ZNF444: variants seen among roughly 807,000 people sequenced by gnomAD.
ZNF444 encodes zinc finger protein 444.
A neutral mutation model predicts 14.4 loss-of-function variants in ZNF444; 8 were observed. That is an observed-to-expected ratio of 0.56 (90% confidence interval 0.33 to 1.00). The LOEUF (loss-of-function observed/expected upper bound fraction) is 1.00, where lower values mean the gene tolerates loss of function less well. Among genes scored for constraint, ZNF444 ranks in the 50% least tolerant of loss-of-function variants. The pLI, the probability that ZNF444 is intolerant of heterozygous loss-of-function variation, is 0.03. For missense variants in ZNF444, 510 were observed against 504.8 expected, an observed-to-expected ratio of 1.01 and a Z score of -0.10; for synonymous variants, 258 against 235.9, an observed-to-expected ratio of 1.09 and a Z score of -0.86.
intron 3 of ZNF444, chr19:56,158,287 A>G (rs45559539): frequency 0.016 from 8,052 of 493,398 alleles, 116 homozygotes; most frequent in Middle Eastern, 0.029. Flanking sequence ...TGGTGGCTTC[A>G]AGATGGCTCC....
At chr19:56,158,258 C>T (rs969431318) in intron 3 of ZNF444, 6 of 450,580 alleles carry the variant, frequency 1.3e-5, no homozygotes, top group East Asian at 7.9e-5. Flanking sequence ...CAGTGTTGGC[C>T]AGGCTGTCAT....
In ZNF444 at chr19:56,145,099, G is replaced by A. The variant is rs1362092850; in HGVS notation, c.-196-1148G>A. On this transcript the variant is annotated intron_variant, in intron 1 of 4. Transcript: ENST00000337080. This position sits in a 1 kb window ranked among gnomAD's most constrained non-coding sequence, Gnocchi z 4.3. Reference sequence around the variant, plus strand: ...GCGCCAGTGAGACTTAAGTAAAACAGGCTGCAGGCCAGATTCGGCCCACCA... The same window carrying A: ...GCGCCAGTGAGACTTAAGTAAAACAAGCTGCAGGCCAGATTCGGCCCACCA... Among the ~76,000 whole-genome samples, 1 of 152,222 alleles carries A rather than the reference G, an allele frequency of 6.6e-6. No individual in the cohort carries two copies. The highest frequency in any genetic ancestry group is 6.5e-5 in the Admixed American group (1 of 15,282).
At chr19:56,134,170 C>A (rs2030559859) in intron 1 of ZNF444, among the ~76,000 whole-genome samples, 1 of 152,162 alleles carries the variant, frequency 6.6e-6, no homozygotes, top group African/African-American at 2.4e-5. Flanking sequence ...ATGAACCAAA[C>A]CCCATCCCTG....
At chr19:56,158,471 T>G (rs777457667) in intron 3 of ZNF444, 23 bp from the exon 4 acceptor site, 8 of 1,590,082 alleles carry the variant, frequency 5.0e-6, no homozygotes, top group Non-Finnish European at 6.8e-6. Flanking sequence ...GTTTCTGAGT[T>G]CAAAACTGTG....
chr19:56,153,410 G>C (rs2031704778), intron 3 of ZNF444, among the ~76,000 whole-genome samples: 1 of 152,164 alleles, frequency 6.6e-6, no homozygotes, highest in Non-Finnish European at 1.5e-5. Flanking sequence ...CATAGTAGGT[G>C]CTACAAAAAT....
intron 3 of ZNF444, 28 bp from the exon 4 acceptor site, chr19:56,158,466 T>G: frequency 2.5e-6 from 4 of 1,581,486 alleles, no homozygotes; most frequent in Non-Finnish European, 3.4e-6. Flanking sequence ...CTCAGGTTTC[T>G]GAGTTCAAAA....
At chr19:56,153,869 A>G (rs994661925) in intron 3 of ZNF444, among the ~76,000 whole-genome samples, 1 of 152,212 alleles carries the variant, frequency 6.6e-6, no homozygotes, top group Non-Finnish European at 1.5e-5. Flanking sequence ...AAAATAGCAC[A>G]GGGTAGCTGT....
Position 56,149,474 on chromosome 19 carries a change from C to CTTAT in ZNF444, c.297+2285_297+2288dup, listed in dbSNP as rs764968102. Among the ~76,000 whole-genome samples the CTTAT allele has an allele frequency of 4.6e-5, 7 of 152,122 alleles. No homozygotes were observed. In the East Asian group the frequency reaches 5.8e-4, roughly 13 times the overall value. ...TTGACCCACTTAGGTCCTGTGGTCA[C>CTTAT]TTATTTATTTATTTATTTATTTTAC... On this transcript the variant is annotated intron_variant, in intron 3 of 4. Coordinates refer to ENST00000337080, the MANE Select transcript of ZNF444 (RefSeq NM_018337.4).
chr19:56,154,947 GAT>G (rs1335058390), intron 3 of ZNF444: 6 of 152,328 alleles, frequency 3.9e-5, no homozygotes, highest in African/African-American at 1.4e-4. Context: ...TTCAAAGCTG[GAT>G]ATGAGTCCTG....
chr19:56,159,766 G>A lies in ZNF444; in HGVS notation c.549G>A (p.Glu183=). Residue 183 remains glutamate, a synonymous_variant, in exon 5 of 5, where the codon GAG becomes GAA. Coordinates refer to ENST00000337080, the MANE Select transcript of ZNF444 (RefSeq NM_018337.4). ...CCCCGGGCACCACGTCCTGCCCCGA[G>A]TGCGGCAAAACGTCCCTGAAACCAG... ...LAAPGTTSCP[E]CGKTSLKPAH... The A allele has an allele frequency of 1.3e-6, 2 of 1,593,798 alleles. No individual in the cohort carries two copies. Among genetic ancestry groups the A allele is most frequent in the Middle Eastern group, 1.7e-4 (1 of 6,042 alleles).
In ZNF444 at chr19:56,160,273, A is replaced by G; in HGVS notation, c.*72A>G. On this transcript the variant is annotated 3_prime_UTR_variant, in exon 5 of 5. Transcript: ENST00000337080. ...GCGGTACCTGCTCTCTCCCAGCGCC[A>G]CTTGGCCTCTTCCTCTCCTCCTTCC... 1 of 1,266,614 alleles carries G rather than the reference A, an allele frequency of 7.9e-7. No individual in the cohort carries two copies. The highest frequency in any genetic ancestry group is 1.0e-6 in the Non-Finnish European group (1 of 973,008). The allele number at this position is 1,266,614 out of a possible 1,614,324, so 78.5% of individuals were successfully genotyped here.
intron 1 of ZNF444, among the ~76,000 whole-genome samples, chr19:56,133,381 C>A (rs2030534881): frequency 6.6e-6 from 1 of 152,054 alleles, no homozygotes; most frequent in African/African-American, 2.4e-5. Flanking sequence ...CTAGAATGCC[C>A]TTCTTGAGCC....
intron 3 of ZNF444, chr19:56,157,188 G>A (rs796692568): frequency 5.9e-5 from 9 of 152,318 alleles, no homozygotes; most frequent in African/African-American, 2.2e-4. Flanking sequence ...GACTCTCTCC[G>A]ATGGGCCCCA....
At chr19:56,146,682 A>C (rs1452842342) in intron 2 of ZNF444, among the ~76,000 whole-genome samples, 1 of 152,180 alleles carries the variant, frequency 6.6e-6, no homozygotes, top group Admixed American at 6.5e-5. Flanking sequence ...CCCGCTACTC[A>C]GGAAGCCAAG....
intron 1 of ZNF444, among the ~76,000 whole-genome samples, chr19:56,133,429 G>A (rs2123449593): frequency 1.3e-5 from 2 of 152,254 alleles, no homozygotes; most frequent in South Asian, 4.1e-4. Flanking sequence ...CAGGACACCT[G>A]CTGCTGGCCT....
chr19:56,147,234 G>A lies in ZNF444; in HGVS notation c.297+26G>A. 7.1e-7 allele frequency: 1 copy of A among 1,406,586 alleles called. No homozygotes were observed. The highest frequency in any genetic ancestry group is 9.2e-7 in the Non-Finnish European group (1 of 1,085,824). 87.1% of individuals were successfully genotyped at this position (1,406,586 alleles called of 1,614,324 possible). A position where few individuals can be genotyped will look rare whatever the true frequency, so the allele number is the denominator to read the frequency against. On this transcript the variant is annotated intron_variant, in intron 3 of 4. Transcript: ENST00000337080. This position sits in a 1 kb window ranked among gnomAD's most constrained non-coding sequence, Gnocchi z 5.9. ...GTGAGCCTGGCGGGACTGCAAGCGG[G>A]GAAGGGAGAGGGGAAGGTGCCAGGG...
intron 3 of ZNF444, chr19:56,150,599 C>G: frequency 2.2e-6 from 1 of 447,150 alleles, no homozygotes; most frequent in Admixed American, 2.4e-5. Context: ...GCACATGATA[C>G]TGGCTTTCCA....
At position 56,158,896 on chromosome 19, in the gene ZNF444, T is replaced by G. The variant is rs141725911; in HGVS notation, c.406+294T>G. Among the ~76,000 whole-genome samples the G allele has an allele frequency of 6.1e-3, 917 of 151,028 alleles. 10 individuals are homozygous for G. Among genetic ancestry groups the G allele is most frequent in the African/African-American group, 0.021 (863 of 41,036 alleles). ...TCACCCATCCATCCCTCTATCATTC[T>G]CCCAGGCATCCATCCATCCTTCACA... On this transcript the variant is annotated intron_variant, in intron 4 of 4. Transcript: ENST00000337080.
At chr19:56,136,600 T>G (rs530061176), upstream of ZNF444, among the ~76,000 whole-genome samples, 3 of 152,252 alleles carry the variant, frequency 2.0e-5, no homozygotes, top group Non-Finnish European at 4.4e-5. Context: ...GTGCTTTGCG[T>G]GTATTAACTC....
Sources: allele counts gnomAD v4.1 joint callset (sites outside exome capture counted in the v4.1 genomes callset), GRCh38; gene constraint gnomAD v4.1.1; non-coding constraint Gnocchi (gnomAD v3.1); transcripts MANE v1.5; gene names NCBI Gene and HGNC (gene_info 2026-07-23, HGNC 2026-07-21).